Variants in CACNA1H observed in about 807,000 individuals in gnomAD.
CACNA1H encodes voltage-dependent T-type calcium channel subunit alpha-1H.
In CACNA1H, 149 loss-of-function variants were observed where a neutral mutation model predicts 192.5. The observed-to-expected ratio is 0.77, with a 90% confidence interval of 0.68 to 0.89. The LOEUF is 0.89. Ranked by LOEUF, CACNA1H falls within the 40% of genes least tolerant of loss-of-function variation. The pLI, the probability that CACNA1H is intolerant of heterozygous loss-of-function variation, is 0.00. For missense variants in CACNA1H, 4,257 were observed against 3,423.5 expected, an observed-to-expected ratio of 1.24 and a Z score of -6.08; for synonymous variants, 2,202 against 1,475.2, an observed-to-expected ratio of 1.49 and a Z score of -11.29.
chr16:1,188,174 C>T (rs939757257), intron 2 of CACNA1H, among the ~76,000 whole-genome samples: 18 of 152,184 alleles, frequency 1.2e-4, no homozygotes, highest in African/African-American at 3.9e-4. Flanking sequence ...GGGGCAGGGT[C>T]GGGGAGGCCC....
At position 1,207,175 on chromosome 16, in the gene CACNA1H, T is replaced by A. The variant is rs74002015; in HGVS notation, c.2907+57T>A. 2.5e-3 allele frequency: 3,901 copies of A among 1,547,508 alleles called. 88 individuals carry two copies. In the African/African-American group the frequency reaches 0.047, roughly 19 times the overall value. ...GTGCTGAGTGTGGTCCCCAGAGAGG[T>A]GGAGGTGCCGTCCTGCGCATCCATA... On this transcript the variant is annotated intron_variant, in intron 13 of 34. Coordinates refer to ENST00000348261, the MANE Select transcript of CACNA1H (RefSeq NM_021098.3).
chr16:1,219,083 C>G lies in CACNA1H; in HGVS notation c.6001C>G (p.Arg2001Gly), dbSNP rs763114755. The change falls in exon 34 of 35, where the codon CGG becomes GGG. Residue 2001 changes from arginine to glycine, a missense_variant. Coordinates refer to ENST00000348261, the MANE Select transcript of CACNA1H (RefSeq NM_021098.3). ...SGEPLHALSP[R>G]GTARSPSLSR... ...CGAGCCCCTCCACGCCCTGTCCCCT[C>G]GGGGCACAGCCCGCTCCCCCAGTCT... The G allele has an allele frequency of 1.9e-6, 3 of 1,548,972 alleles. No individual in the cohort carries two copies. Among genetic ancestry groups the G allele is most frequent in the Non-Finnish European group, 2.6e-6 (3 of 1,146,374 alleles).
At chr16:1,205,389 C>G in intron 11 of CACNA1H, 124 bp downstream of exon 11, 3 of 1,101,076 alleles carry the variant, frequency 2.7e-6, no homozygotes, top group Non-Finnish European at 3.9e-6. Context: ...TTATGACAGG[C>G]CGTGGGAAGC....
At chr16:1,187,000 T>C (rs1457809034) in intron 2 of CACNA1H, among the ~76,000 whole-genome samples, 1 of 152,214 alleles carries the variant, frequency 6.6e-6, no homozygotes. Flanking sequence ...GCCCGGCCCC[T>C]CCTGGGTCTC....
At position 1,219,078 on chromosome 16, in the gene CACNA1H, C is replaced by G. The variant is rs1037177615; in HGVS notation, c.5996C>G (p.Ser1999Cys). Residue 1999 changes from serine (S) to cysteine (C), a missense_variant, in exon 34 of 35, where the codon TCC becomes TGC. Coordinates refer to ENST00000348261, the MANE Select transcript of CACNA1H (RefSeq NM_021098.3). ...AGCGGCGAGCCCCTCCACGCCCTGT[C>G]CCCTCGGGGCACAGCCCGCTCCCCC... ...ARSGEPLHAL[S>C]PRGTARSPSL... 6.5e-6 allele frequency: 10 copies of G among 1,549,290 alleles called. No homozygotes were observed. The highest frequency in any genetic ancestry group is 8.7e-6 in the Non-Finnish European group (10 of 1,146,586).
intron 12 of CACNA1H, 55 bp from the exon 13 acceptor site, chr16:1,206,946 T>G: frequency 3.9e-6 from 1 of 253,374 alleles, no homozygotes; most frequent in African/African-American, 3.0e-5. Context: ...CCCACCTTCT[T>G]CCGCTCAGCA....
chr16:1,196,108 A>G, intron 5 of CACNA1H, 85 bp downstream of exon 5: 1 of 1,076,428 alleles, frequency 9.3e-7, no homozygotes, highest in Non-Finnish European at 1.4e-6. Context: ...GGCCCCCAGG[A>G]GCACAGGACT....
At position 1,209,338 on chromosome 16, in the gene CACNA1H, C is replaced by T. The variant is rs1011421153; in HGVS notation, c.3670C>T (p.Leu1224=). Residue 1224 remains leucine, a synonymous_variant, in exon 17 of 35, where the codon CTG becomes TTG. Coordinates refer to ENST00000348261, the MANE Select transcript of CACNA1H (RefSeq NM_021098.3). ...CRDRDGQVVA[L]PSDFFLRIDS... ...CGATCGCGACGGGCAGGTGGTGGCC[C>T]TGCCCAGCGACTTCTTCCTGCGCAT... 3 of 1,598,006 alleles carry T rather than the reference C, an allele frequency of 1.9e-6. No individual in the cohort carries two copies. Among genetic ancestry groups the T allele is most frequent in the Admixed American group, 3.3e-5 (2 of 59,986 alleles).
Position 1,167,198 on chromosome 16 carries a change from C to A in CACNA1H, c.299+13162C>A, listed in dbSNP as rs532013647. On this transcript the variant is annotated intron_variant, in intron 2 of 34. Coordinates refer to ENST00000348261, the MANE Select transcript of CACNA1H (RefSeq NM_021098.3). This position sits in a 1 kb window ranked among gnomAD's most constrained non-coding sequence, Gnocchi z 4.2. ...GGAAATGGCAGCCCCTGACCTGCCC[C>A]GTGGGGATGAAACGGGCTCTTTGCG... Among the ~76,000 whole-genome samples the A allele has an allele frequency of 1.3e-5, 2 of 152,292 alleles. No homozygotes were observed. The highest frequency in any genetic ancestry group is 4.8e-5 in the African/African-American group (2 of 41,564).
At chr16:1,201,611 G>C (rs927746219) in intron 8 of CACNA1H, 52 bp from the exon 9 acceptor site, 1 of 1,504,660 alleles carries the variant, frequency 6.6e-7, no homozygotes, top group African/African-American at 1.4e-5. Context: ...GCTCAGTGGC[G>C]AATCAGAGAC....
chr16:1,209,332 G>A lies in CACNA1H; in HGVS notation c.3664G>A (p.Val1222Met). ...TKCRDRDGQV[V>M]ALPSDFFLRI... ...GTGCCGCGATCGCGACGGGCAGGTGGTGGCCCTGCCCAGCGACTTCTTCCT... is the reference window on the plus strand; with the variant it reads ...GTGCCGCGATCGCGACGGGCAGGTGATGGCCCTGCCCAGCGACTTCTTCCT... The change falls in exon 17 of 35, where the codon GTG (valine) becomes ATG (methionine). Residue 1222 changes from valine to methionine, a missense_variant. Coordinates refer to ENST00000348261, the MANE Select transcript of CACNA1H (RefSeq NM_021098.3). 1 of 1,598,032 alleles carries A rather than the reference G, an allele frequency of 6.3e-7. No individual in the cohort carries two copies. The highest frequency in any genetic ancestry group is 8.5e-7 in the Non-Finnish European group (1 of 1,179,416).
At chr16:1,204,749 C>G (rs1013617245) in intron 10 of CACNA1H, among the ~76,000 whole-genome samples, 1 of 125,130 alleles carries the variant, frequency 8.0e-6, no homozygotes, top group Non-Finnish European at 1.8e-5. Flanking sequence ...AACCTGCTCC[C>G]AGATCAGTGC....
At chr16:1,171,475 G>A (rs186719207) in intron 2 of CACNA1H, among the ~76,000 whole-genome samples, 67 of 152,346 alleles carry the variant, frequency 4.4e-4, no homozygotes, top group East Asian at 2.1e-3. Context: ...CCTGGAGCCC[G>A]GAGGAGGCCC....
In CACNA1H at chr16:1,217,011, G is replaced by A; in HGVS notation, c.5323+1G>A. On this transcript the variant is annotated splice_donor_variant, in intron 31 of 34. Coordinates refer to ENST00000348261, the MANE Select transcript of CACNA1H (RefSeq NM_021098.3). LOFTEE classifies it high-confidence loss of function. Reference sequence around the variant, plus strand: ...GGAGTGGAGCTGTTCGGGAGGCTGGGTGAGTGGCTCCTGCGCCCTCCTCCT... The same window carrying A: ...GGAGTGGAGCTGTTCGGGAGGCTGGATGAGTGGCTCCTGCGCCCTCCTCCT... The A allele has an allele frequency of 6.3e-7, 1 of 1,588,890 alleles. No homozygotes were observed. Among genetic ancestry groups the A allele is most frequent in the Non-Finnish European group, 8.6e-7 (1 of 1,167,518 alleles).
rs1970211961 is a variant in CACNA1H, at chr16:1,218,453, G to A, written c.5689G>A (p.Asp1897Asn). The A allele has an allele frequency of 6.4e-7, 1 of 1,551,862 alleles. No homozygotes were observed. Among genetic ancestry groups the A allele is most frequent in the South Asian group, 1.2e-5 (1 of 84,130 alleles). ...GPGSARRVDADRPPLPQESPG... is the reference protein window; with the variant it reads ...GPGSARRVDANRPPLPQESPG... ...CGGGAGTGCACGCCGGGTGGACGCG[G>A]ACAGGCCTCCCTTGCCCCAGGAGAG... Residue 1897 changes from aspartate (D) to asparagine (N), a missense_variant, in exon 33 of 35, where the codon GAC becomes AAC. Asp to Asn is a conservative substitution (Grantham distance 23). Transcript: ENST00000348261.
Position 1,176,031 on chromosome 16 carries a change from C to T in CACNA1H, c.300-18941C>T, listed in dbSNP as rs201453834. ...TGGGTCCCAACCCCGTTCGTGGAGG[C>T]GCCTCCCACTCCCATCGCCCAGTCA... On this transcript the variant is annotated intron_variant, in intron 2 of 34. Transcript: ENST00000348261. Among the ~76,000 whole-genome samples, 25 of 152,308 alleles carry T rather than the reference C, an allele frequency of 1.6e-4. No individual in the cohort carries two copies. In the East Asian group the frequency reaches 2.5e-3, roughly 15 times the overall value.
At chr16:1,213,475 G>A (rs901264061) in intron 26 of CACNA1H, among the ~76,000 whole-genome samples, 33 of 152,074 alleles carry the variant, frequency 2.2e-4, no homozygotes, top group African/African-American at 7.2e-4. Context: ...GCGCAACCGC[G>A]TTGCTGAGGA....
chr16:1,206,383 C>T (rs897612251), intron 12 of CACNA1H, 94 bp downstream of exon 12: 1 of 1,186,298 alleles, frequency 8.4e-7, no homozygotes, highest in South Asian at 1.5e-5. Flanking sequence ...AGAAGGAGCC[C>T]TCCCACCAGC....
At chr16:1,210,539 G>A in intron 19 of CACNA1H, 44 bp from the exon 20 acceptor site, 1 of 1,610,564 alleles carries the variant, frequency 6.2e-7, no homozygotes, top group South Asian at 1.1e-5. Context: ...GACCCCCAGG[G>A]AGGGGTGGAG....
Sources: allele counts gnomAD v4.1 joint callset (sites outside exome capture counted in the v4.1 genomes callset), GRCh38; gene constraint gnomAD v4.1.1; non-coding constraint Gnocchi (gnomAD v3.1); transcripts MANE v1.5; gene names NCBI Gene and HGNC (gene_info 2026-07-23, HGNC 2026-07-21).